The following ATM variants were observed in gnomAD, a reference collection of about 807,000 sequenced individuals.
ATM encodes serine-protein kinase ATM.
ATM carries 308 observed loss-of-function variants against 387.0 expected under a neutral mutation model. That is an observed-to-expected ratio of 0.80 (90% CI 0.73 to 0.87). The LOEUF (loss-of-function observed/expected upper bound fraction) is 0.87. Ranked by LOEUF, ATM falls within the 40% of genes least tolerant of loss-of-function variation. The pLI is 0.00. For synonymous variants in ATM, 1,156 were observed against 1,187.3 expected, an observed-to-expected ratio of 0.97 and a Z score of 0.54; for missense variants, 3,312 against 3,560.9, an observed-to-expected ratio of 0.93 and a Z score of 1.78.
At chr11:108,249,658 T>C (rs2080031636) in intron 9 of ATM, among the ~76,000 whole-genome samples, 1 of 152,242 alleles carries the variant, frequency 6.6e-6, no homozygotes, top group African/African-American at 2.4e-5. Flanking sequence ...TAGTTCAGCC[T>C]GTTTGCTTTA....
intron 37 of ATM, among the ~76,000 whole-genome samples, chr11:108,307,184 G>C (rs916630973): frequency 1.4e-5 from 2 of 145,806 alleles, no homozygotes; most frequent in African/African-American, 5.1e-5. Context: ...GAGTCTCGCT[G>C]TGTCACCCAG....
chr11:108,313,535 C>T (rs953476827), intron 40 of ATM, among the ~76,000 whole-genome samples: 1 of 152,200 alleles, frequency 6.6e-6, no homozygotes, highest in African/African-American at 2.4e-5. Context: ...TAATACTTCA[C>T]ATCATCAACC....
chr11:108,308,508 C>G (rs145119441), intron 38 of ATM: 98 of 182,078 alleles, frequency 5.4e-4, no homozygotes, highest in African/African-American at 2.2e-3. Flanking sequence ...ATCTTTGTTC[C>G]TGTTATTTCT....
In ATM at chr11:108,271,236, T is replaced by C. The variant is rs775951503; in HGVS notation, c.2922-15T>C. Reference sequence around the variant, plus strand: ...AAGCTTATAAAGTTGAACTTTTTTTTTTTTTTTACCACAGCAATGTGTGTT... The same window carrying C: ...AAGCTTATAAAGTTGAACTTTTTTTCTTTTTTTACCACAGCAATGTGTGTT... On this transcript the variant is annotated splice_polypyrimidine_tract_variant and intron_variant, in intron 19 of 62. Coordinates refer to ENST00000675843, the MANE Select transcript of ATM (RefSeq NM_000051.4). The C allele has an allele frequency of 6.2e-7, 1 of 1,613,568 alleles. No homozygotes were observed. The highest frequency in any genetic ancestry group is 1.1e-5 in the South Asian group (1 of 91,080).
At chr11:108,326,349 A>G in intron 47 of ATM, 124 bp downstream of exon 47, 1 of 1,278,966 alleles carries the variant, frequency 7.8e-7, no homozygotes, top group Admixed American at 2.5e-5. Context: ...TTAACAAGAT[A>G]TTGTAAAACT....
intron 22 of ATM, among the ~76,000 whole-genome samples, chr11:108,278,779 G>A (rs535645626): frequency 6.6e-6 from 1 of 152,152 alleles, no homozygotes; most frequent in East Asian, 1.9e-4. Context: ...TAATCTATTC[G>A]TGAGGGATCT....
At chr11:108,270,854 C>A (rs2081535646) in intron 18 of ATM, among the ~76,000 whole-genome samples, 1 of 152,072 alleles carries the variant, frequency 6.6e-6, no homozygotes. Flanking sequence ...TGCCACCACC[C>A]CTGGCTAATT....
At chr11:108,282,682 T>G (rs373116929) in intron 24 of ATM, 28 bp from the exon 25 acceptor site, 84 of 1,606,364 alleles carry the variant, frequency 5.2e-5, no homozygotes, top group Non-Finnish European at 6.5e-5. Flanking sequence ...TCATTTTTCT[T>G]AACACATTGA....
At chr11:108,332,968 A>T in intron 53 of ATM, 68 bp downstream of exon 53, 13 of 1,538,074 alleles carry the variant, frequency 8.5e-6, no homozygotes, top group Non-Finnish European at 1.2e-5. Context: ...TATATTAGTT[A>T]TAGAGCCTAA....
At chr11:108,337,794 T>C (rs1241088594) in intron 56 of ATM, among the ~76,000 whole-genome samples, 3 of 152,248 alleles carry the variant, frequency 2.0e-5, no homozygotes, top group Non-Finnish European at 4.4e-5. Context: ...ACCAAACTTT[T>C]AGATGACAAA....
In ATM at chr11:108,268,479, T is replaced by A; in HGVS notation, c.2708T>A (p.Phe903Tyr). The change falls in exon 18 of 63, where the codon TTC (phenylalanine) becomes TAC (tyrosine). Residue 903 changes from phenylalanine (F) to tyrosine (Y), a missense_variant. Coordinates refer to ENST00000675843, the MANE Select transcript of ATM (RefSeq NM_000051.4). ...QDLLFLDMLK[F>Y]LCLCVTTAQT... ...CTACTTTTCTTAGACATGCTCAAGT[T>A]CTTGTGTTTGTGTGTAACTACTGCT... The A allele has an allele frequency of 6.2e-7, 1 of 1,614,038 alleles. No individual in the cohort carries two copies. Among genetic ancestry groups the A allele is most frequent in the Non-Finnish European group, 8.5e-7 (1 of 1,179,976 alleles).
At chr11:108,322,271 C>T (rs1372386386) in intron 45 of ATM, among the ~76,000 whole-genome samples, 1 of 152,176 alleles carries the variant, frequency 6.6e-6, no homozygotes, top group Non-Finnish European at 1.5e-5. Flanking sequence ...TCTCCTGCCT[C>T]AGCCTCCCGA....
intron 38 of ATM, 108 bp downstream of exon 38, chr11:108,308,092 A>G: frequency 9.5e-7 from 1 of 1,049,418 alleles, no homozygotes; most frequent in Non-Finnish European, 1.4e-6. Flanking sequence ...GCAAAGTGTT[A>G]TATTTAATTT....
intron 1 of ATM, chr11:108,223,870 T>C (rs974715600): frequency 1.3e-5 from 2 of 152,140 alleles, no homozygotes; most frequent in African/African-American, 2.4e-5. Context: ...GAAAAATGCG[T>C]GTAAAGGCAC....
At chr11:108,354,654 A>G (rs1386039490) in intron 60 of ATM, among the ~76,000 whole-genome samples, 157 bp from the exon 61 acceptor site, 1 of 152,260 alleles carries the variant, frequency 6.6e-6, no homozygotes, top group East Asian at 1.9e-4. Context: ...ACGTCTAATG[A>G]AAGCCCACTC....
intron 5 of ATM, among the ~76,000 whole-genome samples, chr11:108,242,553 A>T (rs562964918): frequency 6.6e-6 from 1 of 152,206 alleles, no homozygotes; most frequent in Admixed American, 6.5e-5. Context: ...ACACAAGTAT[A>T]ACATTGTGAA....
In ATM at chr11:108,294,971, A is replaced by G. The variant is rs786203559; in HGVS notation, c.4821A>G (p.Pro1607=). 23 of 1,613,804 alleles carry G rather than the reference A, an allele frequency of 1.4e-5. No homozygotes were observed. Among genetic ancestry groups the G allele is most frequent in the Non-Finnish European group, 1.9e-5 (23 of 1,179,858 alleles). The change falls in exon 32 of 63, where the codon CCA becomes CCG. Residue 1607 remains proline (P), a synonymous_variant. Coordinates refer to ENST00000675843, the MANE Select transcript of ATM (RefSeq NM_000051.4). ...CAGTAAGTGTTTATGATGCACTTCC[A>G]TTGACAAGACTTGAAGGACTAAAGG... is the stretch of plus-strand genomic sequence containing the variant. ...FLSVSVYDAL[P]LTRLEGLKDL...
rs144676646 is a variant in ATM, at chr11:108,237,810, A to G, written c.496+1976A>G. Among the ~76,000 whole-genome samples the G allele has an allele frequency of 6.1e-3, 933 of 151,950 alleles. 8 individuals carry two copies. The highest frequency in any genetic ancestry group is 0.02 in the African/African-American group (818 of 41,364). On this transcript the variant is annotated intron_variant, in intron 5 of 62. Coordinates refer to ENST00000675843, the MANE Select transcript of ATM (RefSeq NM_000051.4). ...TGGGATTTTGATACTAATTGCATTG[A>G]ATCTGTTGCACAATTTGAGAAGAAT...
At chr11:108,307,132 T>G (rs1442907269) in intron 37 of ATM, among the ~76,000 whole-genome samples, 2 of 151,914 alleles carry the variant, frequency 1.3e-5, no homozygotes, top group South Asian at 2.1e-4. Flanking sequence ...GATATCACTT[T>G]TTCTTTTTTC....
Sources: allele counts gnomAD v4.1 joint callset (sites outside exome capture counted in the v4.1 genomes callset), GRCh38; gene constraint gnomAD v4.1.1; transcripts MANE v1.5; gene names NCBI Gene and HGNC (gene_info 2026-07-23, HGNC 2026-07-21).